Variants in FZD3 observed in about 807,000 individuals in gnomAD.
FZD3 encodes frizzled class receptor 3.
In FZD3, 30 loss-of-function variants were observed where a neutral mutation model predicts 60.7. The ratio of observed to expected loss-of-function variants is 0.49; its 90% CI spans 0.37 to 0.67. The LOEUF (loss-of-function observed/expected upper bound fraction) is 0.67, where lower values mean the gene tolerates loss of function less well. Ranked by LOEUF, FZD3 falls within the 30% of genes least tolerant of loss-of-function variation. FZD3 has a pLI of 0.00. For missense variants in FZD3, 605 were observed against 838.7 expected, an observed-to-expected ratio of 0.72 and a Z score of 3.44; for synonymous variants, 246 against 275.2, an observed-to-expected ratio of 0.89 and a Z score of 1.05.
At chr8:28,520,524 T>G in intron 3 of FZD3, 114 bp from the exon 4 acceptor site, 1 of 658,498 alleles carries the variant, frequency 1.5e-6, no homozygotes, top group East Asian at 2.8e-5. Flanking sequence ...TTCAGAAAAT[T>G]TTAATAACCC....
chr8:28,527,007 A>G lies in FZD3; in HGVS notation c.387-140A>G, dbSNP rs1804730507. 4 of 762,710 alleles carry G rather than the reference A, an allele frequency of 5.2e-6. No homozygotes were observed. In the East Asian group the frequency reaches 7.4e-5, roughly 14 times the overall value. 47.2% of individuals were successfully genotyped at this position (762,710 alleles called of 1,614,324 possible). On this transcript the variant is annotated intron_variant, in intron 4 of 7. Coordinates refer to ENST00000240093, the MANE Select transcript of FZD3 (RefSeq NM_017412.4). This position sits in a 1 kb window ranked among gnomAD's most constrained non-coding sequence, Gnocchi z 5.0. The stretch of plus-strand genomic sequence containing the variant: ...TATGGACCACAAACAAGATATCACC[A>G]TTTACTTTATTTCTACATATTACAT...
intron 4 of FZD3, among the ~76,000 whole-genome samples, chr8:28,524,923 C>T (rs1563391228): frequency 6.6e-6 from 1 of 152,170 alleles, no homozygotes; most frequent in Non-Finnish European, 1.5e-5. Context: ...CTGGAAGTAT[C>T]TTCTGTTCCT....
intron 5 of FZD3, among the ~76,000 whole-genome samples, chr8:28,547,617 G>A (rs948349215): frequency 6.6e-6 from 1 of 152,152 alleles, no homozygotes; most frequent in Non-Finnish European, 1.5e-5. Flanking sequence ...ATTTAACTAT[G>A]AGTCTGAGCT....
chr8:28,547,727 C>T (rs1371419461), intron 5 of FZD3, among the ~76,000 whole-genome samples: 3 of 152,070 alleles, frequency 2.0e-5, no homozygotes, highest in South Asian at 2.1e-4. Context: ...TATTCATTAA[C>T]GAAATTAGCC....
rs1444393038 is a variant in FZD3, at chr8:28,527,310, G to A, written c.550G>A (p.Asp184Asn). 1.2e-6 allele frequency: 2 copies of A among 1,614,046 alleles called. No homozygotes were observed. Among genetic ancestry groups the A allele is most frequent in the South Asian group, 2.2e-5 (2 of 91,068 alleles). ...DLGYSFLHVR[D>N]CSPPCPNMYF... ...GGGTTATTCTTTTCTGCATGTGCGT[G>A]ATTGTTCACCTCCTTGTCCAAATAT... The change falls in exon 5 of 8, where the codon GAT (aspartate) becomes AAT (asparagine). Residue 184 changes from aspartate to asparagine, a missense_variant. Physicochemically the swap from Asp to Asn is conservative, Grantham distance 23. Coordinates refer to ENST00000240093, the MANE Select transcript of FZD3 (RefSeq NM_017412.4). The surrounding 1 kb of genome is among the most constrained non-coding windows in gnomAD (Gnocchi z 5.0).
At chr8:28,520,590 C>G (rs1804551235) in intron 3 of FZD3, 48 bp from the exon 4 acceptor site, 1 of 1,076,940 alleles carries the variant, frequency 9.3e-7, no homozygotes, top group South Asian at 2.3e-5. Flanking sequence ...AAAGCTTTAA[C>G]TTGTATACAG....
At chr8:28,528,869 TTCTTA>T (rs1804789268) in intron 5 of FZD3, among the ~76,000 whole-genome samples, 2 of 152,152 alleles carry the variant, frequency 1.3e-5, no homozygotes, top group East Asian at 3.9e-4. Context: ...TGCTAAGTAT[TTCTTA>T]TCTTTAGTAC....
chr8:28,504,766 G>A (rs1451586309), intron 3 of FZD3, among the ~76,000 whole-genome samples: 1 of 152,188 alleles, frequency 6.6e-6, no homozygotes, highest in Non-Finnish European at 1.5e-5. Context: ...ATCATCTAAA[G>A]GGAAGTACTA....
rs1163992633 is a variant in FZD3, at chr8:28,549,748, A to G, written c.1405-1855A>G. 2.6e-5 allele frequency among the ~76,000 whole-genome samples: 4 copies of G among 152,008 alleles called. No homozygotes were observed. The East Asian group carries it at 7.7e-4, about 29-fold the overall frequency. ...AGTGTCTTTAAGTACTTCATCATCTATCTGTATTTTATTACAGCTTTTAAA... is the reference window on the plus strand; with the variant it reads ...AGTGTCTTTAAGTACTTCATCATCTGTCTGTATTTTATTACAGCTTTTAAA... On this transcript the variant is annotated intron_variant, in intron 5 of 7. Coordinates refer to ENST00000240093, the MANE Select transcript of FZD3 (RefSeq NM_017412.4).
chr8:28,495,689 C>T (rs1055005901), intron 1 of FZD3, among the ~76,000 whole-genome samples: 1 of 152,028 alleles, frequency 6.6e-6, no homozygotes, highest in Non-Finnish European at 1.5e-5. Context: ...TCAATACTAT[C>T]TTTTTCCTCC....
intron 3 of FZD3, among the ~76,000 whole-genome samples, chr8:28,512,178 A>G (rs933960291): frequency 1.3e-5 from 2 of 152,048 alleles, no homozygotes; most frequent in African/African-American, 2.4e-5. Context: ...TGAATTCAAC[A>G]TTATGTGTTT....
At chr8:28,530,216 A>G (rs1361509855) in intron 5 of FZD3, among the ~76,000 whole-genome samples, 2 of 152,002 alleles carry the variant, frequency 1.3e-5, no homozygotes, top group African/African-American at 2.4e-5. Flanking sequence ...TGGTAATAAC[A>G]TAGGTATTAA....
At chr8:28,497,033 G>A (rs1803862919) in intron 1 of FZD3, among the ~76,000 whole-genome samples, 1 of 151,984 alleles carries the variant, frequency 6.6e-6, no homozygotes, top group South Asian at 2.1e-4. Context: ...TTTATTTTCA[G>A]GTTAATTTTT....
In FZD3 at chr8:28,526,596, G is replaced by A. The variant is rs143449466; in HGVS notation, c.387-551G>A. ...CTTTTTAACTCCTGGCATATTCAGG[G>A]TTCCAGTAAATACTTGATTGCAATA... On this transcript the variant is annotated intron_variant, in intron 4 of 7. Transcript: ENST00000240093. Among the ~76,000 whole-genome samples the A allele has an allele frequency of 2.1e-3, 315 of 152,178 alleles. 1 individual carries two copies. Among genetic ancestry groups the A allele is most frequent in the African/African-American group, 7.4e-3 (307 of 41,532 alleles).
rs960364896 is a variant in FZD3, at chr8:28,573,739, C to A, written c.*10728C>A. On this transcript the variant is annotated 3_prime_UTR_variant, in exon 8 of 8. Coordinates refer to ENST00000240093, the MANE Select transcript of FZD3 (RefSeq NM_017412.4). ...AAAGTCTTTCCCCATTTTACTGTTA[C>A]AATTTTTCAAGAGCTATAAAGGTAG... 3 of 151,034 alleles carry A rather than the reference C, an allele frequency of 2.0e-5. No homozygotes were observed. Among genetic ancestry groups the A allele is most frequent in the African/African-American group, 4.9e-5 (2 of 41,108 alleles). The allele number at this position is 151,034 out of a possible 1,614,324, so 9.4% of individuals were successfully genotyped here. A position where few individuals can be genotyped will look rare whatever the true frequency, so the allele number is the denominator to read the frequency against.
At position 28,552,322 on chromosome 8, in the gene FZD3, T is replaced by A. The variant is rs1481990695; in HGVS notation, c.1553+571T>A. ...AAATAGAAAAATGATATTAGTAGATTAATTGAAATGTGTTAGAGGTTATTG... is the reference window on the plus strand; with the variant it reads ...AAATAGAAAAATGATATTAGTAGATAAATTGAAATGTGTTAGAGGTTATTG... On this transcript the variant is annotated intron_variant, in intron 6 of 7. Transcript: ENST00000240093. Among the ~76,000 whole-genome samples the A allele has an allele frequency of 2.6e-5, 4 of 152,218 alleles. No individual in the cohort carries two copies. The East Asian group carries it at 7.7e-4, about 29-fold the overall frequency.
intron 3 of FZD3, among the ~76,000 whole-genome samples, chr8:28,519,562 T>C (rs894135638): frequency 7.9e-5 from 12 of 151,930 alleles, no homozygotes; most frequent in Non-Finnish European, 1.8e-4. Context: ...AGACCCTGTC[T>C]TTACAAAAAA....
chr8:28,531,736 T>C (rs1804880719), intron 5 of FZD3, among the ~76,000 whole-genome samples: 1 of 152,200 alleles, frequency 6.6e-6, no homozygotes, highest in Non-Finnish European at 1.5e-5. Flanking sequence ...TTGGGGTTTC[T>C]CTGTGATTTA....
chr8:28,554,173 C>T (rs920896391), intron 6 of FZD3, among the ~76,000 whole-genome samples: 8 of 152,148 alleles, frequency 5.3e-5, no homozygotes, highest in Non-Finnish European at 8.8e-5. Context: ...TTTAGAAATC[C>T]TCTTTTGGAT....
Sources: gnomAD v4.1 joint callset for allele counts (sites outside exome capture counted in the v4.1 genomes callset) on GRCh38, gnomAD v4.1.1 for gene constraint, Gnocchi (gnomAD v3.1) non-coding constraint, MANE v1.5 for transcripts, NCBI Gene and HGNC (gene_info 2026-07-23, HGNC 2026-07-21) for gene names.